ENOX2: variants seen among roughly 807,000 people sequenced by gnomAD.
ENOX2 encodes APK1 antigen.
In ENOX2, 36 loss-of-function variants were observed where a neutral mutation model predicts 45.0. The observed-to-expected ratio is 0.80, with a 90% CI of 0.61 to 1.06. ENOX2 has a LOEUF of 1.06. Ranked by LOEUF, ENOX2 falls within the 50% of genes least tolerant of loss-of-function variation. The pLI is 0.00. For synonymous variants in ENOX2, 174 were observed against 152.3 expected (o/e 1.14, Z -1.05); for missense variants, 423 against 462.5 (o/e 0.91, Z 0.78).
intron 3 of ENOX2, among the ~76,000 whole-genome samples, chrX:130,768,618 A>G (rs1193333879): frequency 8.9e-6 from 1 of 111,886 alleles, no homozygotes; most frequent in Non-Finnish European, 1.9e-5. Context: ...CAGGGCTACA[A>G]ATTCTTGTCC....
chrX:130,690,502 AGACTGCAAAGAAAGAAAGTG>A (rs1248790509), intron 4 of ENOX2, among the ~76,000 whole-genome samples: 9 of 112,472 alleles, frequency 8.0e-5, no homozygotes, highest in African/African-American at 2.9e-4. Flanking sequence ...TAGAACCTGC[AGACTGCAAAGAAAGAAAGTG>A]GACTGCAAAG....
chrX:130,643,333 T>C (rs1295881189), intron 10 of ENOX2, among the ~76,000 whole-genome samples: 6 of 110,181 alleles, frequency 5.4e-5, no homozygotes, highest in Non-Finnish European at 3.8e-5. Flanking sequence ...TAGATATTTA[T>C]CCAACTATAT....
intron 9 of ENOX2, among the ~76,000 whole-genome samples, chrX:130,665,332 T>C (rs1214928756): frequency 8.9e-6 from 1 of 112,278 alleles, no homozygotes; most frequent in Non-Finnish European, 1.9e-5. Flanking sequence ...CGCAGGTCAG[T>C]AATTATTGTT....
chrX:130,683,758 G>GA lies in ENOX2; in HGVS notation c.254-4011dup, dbSNP rs781002323. Among the ~76,000 whole-genome samples, 179 of 94,753 alleles carry GA rather than the reference G, an allele frequency of 1.9e-3. 1 individual carries two copies. Among genetic ancestry groups the GA allele is most frequent in the Middle Eastern group, 5.6e-3 (1 of 180 alleles). 82.3% of individuals were successfully genotyped at this position (94,753 alleles called of 115,157 possible). ...AGTAAATCTCTGATAGACACTCTGT[G>GA]AAAAAAAAAAAAAAGTGTGTTCCAG... is the stretch of plus-strand genomic sequence containing the variant. On this transcript the variant is annotated intron_variant, in intron 5 of 14. Transcript: ENST00000394363.
intron 10 of ENOX2, among the ~76,000 whole-genome samples, chrX:130,645,302 A>G (rs1219444829): frequency 3.6e-5 from 4 of 111,874 alleles, no homozygotes; most frequent in Non-Finnish European, 7.5e-5. Context: ...TAAATTAGAT[A>G]AAAAGGCAAG....
intron 2 of ENOX2, among the ~76,000 whole-genome samples, chrX:130,831,166 C>T (rs1432867432): frequency 9.1e-6 from 1 of 110,294 alleles, no homozygotes; most frequent in Non-Finnish European, 1.9e-5. Context: ...AGGACAGAGC[C>T]CTCATGACCT....
At chrX:130,889,810 C>A (rs1164216629) in intron 2 of ENOX2, among the ~76,000 whole-genome samples, 1 of 112,399 alleles carries the variant, frequency 8.9e-6, no homozygotes, top group African/African-American at 3.2e-5. Context: ...ACTGACAGCC[C>A]TAGCACCAGA....
At chrX:130,720,501 T>G (rs1371437454) in intron 3 of ENOX2, among the ~76,000 whole-genome samples, 1 of 112,393 alleles carries the variant, frequency 8.9e-6, no homozygotes, top group East Asian at 2.8e-4. Flanking sequence ...ATATAATCCT[T>G]AAGCCACTGC....
chrX:130,725,169 T>C (rs1181076627), intron 3 of ENOX2, among the ~76,000 whole-genome samples: 1 of 111,288 alleles, frequency 9.0e-6, no homozygotes, highest in Non-Finnish European at 1.9e-5. Context: ...TATGAACTTC[T>C]AATCACTTTT....
intron 6 of ENOX2, among the ~76,000 whole-genome samples, chrX:130,675,111 T>C (rs1399013045): frequency 9.2e-6 from 1 of 109,277 alleles, no homozygotes; most frequent in Non-Finnish European, 1.9e-5. Context: ...CAGCATGATT[T>C]ATAGTCCTTT....
intron 6 of ENOX2, among the ~76,000 whole-genome samples, chrX:130,672,425 T>C (rs1374209841): frequency 1.8e-5 from 2 of 112,380 alleles, no homozygotes; most frequent in African/African-American, 6.5e-5. Flanking sequence ...AGTGGGCCAC[T>C]TAGGGGCCTG....
intron 2 of ENOX2, among the ~76,000 whole-genome samples, chrX:130,792,343 A>C (rs1213967712): frequency 8.9e-6 from 1 of 112,082 alleles, no homozygotes; most frequent in African/African-American, 3.2e-5. Flanking sequence ...CTGTACAACA[A>C]AATCCCATGA....
intron 3 of ENOX2, among the ~76,000 whole-genome samples, 198 bp from the exon 4 acceptor site, chrX:130,703,452 A>G (rs1188491283): frequency 9.0e-6 from 1 of 111,334 alleles, no homozygotes; most frequent in African/African-American, 3.3e-5. Context: ...TGGAATTTGA[A>G]AGTAATTTAC....
intron 2 of ENOX2, among the ~76,000 whole-genome samples, chrX:130,888,344 T>C (rs925215097): frequency 1.8e-5 from 2 of 111,777 alleles, no homozygotes; most frequent in Admixed American, 9.5e-5. Flanking sequence ...AAGGAGATAG[T>C]GTCTTTGGGA....
At chrX:130,842,250 T>C (rs2078027110) in intron 2 of ENOX2, among the ~76,000 whole-genome samples, 1 of 112,638 alleles carries the variant, frequency 8.9e-6, no homozygotes, top group Non-Finnish European at 1.9e-5. Flanking sequence ...GATATAGAAC[T>C]ATAGGGACTT....
intron 2 of ENOX2, among the ~76,000 whole-genome samples, chrX:130,872,470 C>T (rs992863786): frequency 2.9e-4 from 33 of 111,910 alleles, no homozygotes; most frequent in African/African-American, 9.7e-4. Flanking sequence ...TCAGCATCAG[C>T]CTATGTTTAA....
chrX:130,754,346 T>G (rs1295649601), intron 3 of ENOX2, among the ~76,000 whole-genome samples: 1 of 111,615 alleles, frequency 9.0e-6, no homozygotes, highest in Admixed American at 9.5e-5. Context: ...TTACGAAAAA[T>G]AAGTCTAACA....
chrX:130,722,052 C>A (rs941102896), intron 3 of ENOX2, among the ~76,000 whole-genome samples: 1 of 111,642 alleles, frequency 9.0e-6, no homozygotes, highest in Non-Finnish European at 1.9e-5. Flanking sequence ...TATTACATGA[C>A]TGTTACTTGT....
chrX:130,898,180 G>T lies in ENOX2; in HGVS notation c.-183+3504C>A, dbSNP rs950405162. Among the ~76,000 whole-genome samples, 22 of 110,794 alleles carry T rather than the reference G, an allele frequency of 2.0e-4. No individual in the cohort carries two copies. The Middle Eastern group carries it at 0.023, about 117-fold the overall frequency. ...ATGCCATCACGCCCGGCTAATTTTT[G>T]TATTTTTAGTAGAGACGGGGTTTCC... On this transcript the variant is annotated intron_variant, in intron 2 of 14. Transcript: ENST00000394363.
Sources: allele counts gnomAD v4.1 joint callset (sites outside exome capture counted in the v4.1 genomes callset), GRCh38; gene constraint gnomAD v4.1.1; transcripts MANE v1.5; gene names NCBI Gene and HGNC (gene_info 2026-07-23, HGNC 2026-07-21).